RAPGEF6: variants seen among roughly 807,000 people sequenced by gnomAD.
The protein encoded by RAPGEF6 is Rap guanine nucleotide exchange factor 6.
A neutral mutation model predicts 171.4 loss-of-function variants in RAPGEF6; 56 were observed. The ratio of observed to expected loss-of-function variants is 0.33; its 90% CI spans 0.26 to 0.41. RAPGEF6 has a LOEUF of 0.41. Ranked by LOEUF, RAPGEF6 falls within the 10% of genes least tolerant of loss-of-function variation. The pLI is 1.00. For synonymous variants in RAPGEF6, 692 were observed against 650.1 expected (o/e 1.06, Z -0.98); for missense variants, 1,674 against 1,921.4 (o/e 0.87, Z 2.41).
rs538395017 is a variant in RAPGEF6, at chr5:131,424,073, A to G, written c.*3193T>C. On this transcript the variant is annotated 3_prime_UTR_variant, in exon 28 of 28. Transcript: ENST00000509018. Reference sequence around the variant, plus strand: ...CAGAGGCACTGTCTTTCTAAAAGACATAAGTTTAAGAGGTATCAAAAAATA... The same window carrying G: ...CAGAGGCACTGTCTTTCTAAAAGACGTAAGTTTAAGAGGTATCAAAAAATA... 5.2e-5 allele frequency: 8 copies of G among 152,388 alleles called. No individual in the cohort carries two copies. The highest frequency in any genetic ancestry group is 2.1e-4 in the South Asian group (1 of 4,836). The allele number at this position is 152,388 out of a possible 1,614,324, so 9.4% of individuals were successfully genotyped here. A position where few individuals can be genotyped will look rare whatever the true frequency, so the allele number is the denominator to read the frequency against.
At chr5:131,499,424 T>C (rs996159736) in intron 11 of RAPGEF6, among the ~76,000 whole-genome samples, 10 of 151,570 alleles carry the variant, frequency 6.6e-5, no homozygotes, top group African/African-American at 2.4e-4. Flanking sequence ...CTACTAAAAA[T>C]ACAAAAATTG....
At chr5:131,614,281 C>CAAAAAAAAAAAAAAAAAAA (rs386404987) in intron 1 of RAPGEF6, among the ~76,000 whole-genome samples, 1 of 81,424 alleles carries the variant, frequency 1.2e-5, no homozygotes, top group African/African-American at 5.6e-5. Context: ...GACTCTGTCT[C>CAAAAAAAAAAAAAAAAAAA]AAAAAAAAAA....
At chr5:131,433,723 G>T in intron 24 of RAPGEF6, 65 bp from the exon 25 acceptor site, 1 of 1,158,050 alleles carries the variant, frequency 8.6e-7, no homozygotes, top group East Asian at 2.4e-5. Flanking sequence ...GGTAGTAGGG[G>T]AAAGGATGAA....
At chr5:131,502,184 T>G (rs1466818114) in intron 11 of RAPGEF6, among the ~76,000 whole-genome samples, 3 of 152,188 alleles carry the variant, frequency 2.0e-5, no homozygotes, top group African/African-American at 7.2e-5. Context: ...TATAAATAAA[T>G]TAATGAAGAC....
At chr5:131,634,031 T>C (rs12054732) in intron 1 of RAPGEF6, among the ~76,000 whole-genome samples, 19,405 of 152,220 alleles carry the variant, frequency 0.13, 1,528 homozygotes, top group Middle Eastern at 0.2. Flanking sequence ...ACCTGAATAA[T>C]TGTCACGACC....
chr5:131,429,074 C>T lies in RAPGEF6; in HGVS notation c.4608G>A (p.Val1536=), dbSNP rs1751543304. The T allele has an allele frequency of 6.2e-7, 1 of 1,614,200 alleles. No homozygotes were observed. Among genetic ancestry groups the T allele is most frequent in the Non-Finnish European group, 8.5e-7 (1 of 1,180,038 alleles). ...HLKPPDYSVA[V]QRSKMMHNSL... ...TGTTATGCATCATCTTTGACCTCTG[C>T]ACTGCCACACTATAATCTGGAGGTT... Residue 1536 remains valine (V), a synonymous_variant, in exon 27 of 28, where the codon GTG becomes GTA. Coordinates refer to ENST00000509018, the MANE Select transcript of RAPGEF6 (RefSeq NM_016340.6).
At chr5:131,626,489 C>A (rs1010267851) in intron 1 of RAPGEF6, among the ~76,000 whole-genome samples, 8 of 151,854 alleles carry the variant, frequency 5.3e-5, no homozygotes, top group African/African-American at 1.7e-4. Context: ...TTTGCTCCTG[C>A]CTCTCTGCTT....
Position 131,430,887 on chromosome 5 carries a change from G to A in RAPGEF6, c.4437C>T (p.Val1479=), listed in dbSNP as rs1290844457. ...TCAAGCCCTTTTCTGTACTTGAAGTGACAGTTTTATAAACTGGGTCAGTGG... is the reference window on the plus strand; with the variant it reads ...TCAAGCCCTTTTCTGTACTTGAAGTAACAGTTTTATAAACTGGGTCAGTGG... ...KDATDPVYKT[V]TSSTEKGLIV... Residue 1479 remains valine, a synonymous_variant, in exon 26 of 28, where the codon GTC becomes GTT. Coordinates refer to ENST00000509018, the MANE Select transcript of RAPGEF6 (RefSeq NM_016340.6). The A allele has an allele frequency of 1.1e-5, 18 of 1,606,550 alleles. No homozygotes were observed. Among genetic ancestry groups the A allele is most frequent in the Non-Finnish European group, 1.4e-5 (17 of 1,177,562 alleles).
At chr5:131,503,861 T>G (rs1312795717) in intron 11 of RAPGEF6, among the ~76,000 whole-genome samples, 1 of 152,180 alleles carries the variant, frequency 6.6e-6, no homozygotes, top group Non-Finnish European at 1.5e-5. Context: ...CCTAATAAAG[T>G]CTTGAATTAC....
At chr5:131,438,117 TA>T (rs200407071) in intron 24 of RAPGEF6, among the ~76,000 whole-genome samples, 33,328 of 152,028 alleles carry the variant, frequency 0.22, 3,998 homozygotes, top group East Asian at 0.49. Flanking sequence ...GCCTCCTGAG[TA>T]GCTGGGACTA....
intron 6 of RAPGEF6, among the ~76,000 whole-genome samples, chr5:131,523,232 A>C (rs1291643528): frequency 6.6e-6 from 1 of 150,924 alleles, no homozygotes; most frequent in Non-Finnish European, 1.5e-5. Flanking sequence ...AGAGCCAAAG[A>C]ATATATATTT....
chr5:131,627,768 C>G (rs1201452034), intron 1 of RAPGEF6, among the ~76,000 whole-genome samples: 1 of 152,126 alleles, frequency 6.6e-6, no homozygotes, highest in African/African-American at 2.4e-5. Context: ...AACCCTGCAT[C>G]AAGCAAGTCC....
chr5:131,479,724 G>C lies in RAPGEF6; in HGVS notation c.1870C>G (p.Gln624Glu). ...VFKELLFRTEQEKSGVPHIPK... is the reference protein window; with the variant it reads ...VFKELLFRTEEEKSGVPHIPK... ...ATATGAGGAACACCAGATTTCTCTT[G>C]TTCAGTCCTAAAAAGTAACTCTTTG... is the stretch of plus-strand genomic sequence containing the variant. The change falls in exon 16 of 28, where the codon CAA becomes GAA. Residue 624 changes from glutamine (Q) to glutamate (E), a missense_variant. Transcript: ENST00000509018. 6.2e-7 allele frequency: 1 copy of C among 1,613,558 alleles called. No homozygotes were observed. Among genetic ancestry groups the C allele is most frequent in the Non-Finnish European group, 8.5e-7 (1 of 1,179,838 alleles).
chr5:131,605,994 C>T (rs1353881791), intron 1 of RAPGEF6, among the ~76,000 whole-genome samples: 1 of 131,322 alleles, frequency 7.6e-6, no homozygotes, highest in African/African-American at 3.1e-5. Flanking sequence ...TGTGCCACTG[C>T]ACTCTAGCCT....
At chr5:131,615,243 A>C (rs1380677897) in intron 1 of RAPGEF6, among the ~76,000 whole-genome samples, 4 of 152,238 alleles carry the variant, frequency 2.6e-5, no homozygotes, top group African/African-American at 9.6e-5. Context: ...GGTCACAAGA[A>C]TGCTAAGCAT....
intron 1 of RAPGEF6, among the ~76,000 whole-genome samples, chr5:131,615,435 A>G (rs1402087571): frequency 6.6e-6 from 1 of 152,212 alleles, no homozygotes; most frequent in Non-Finnish European, 1.5e-5. Context: ...AGCTTGAGGT[A>G]CTATATTATC....
intron 24 of RAPGEF6, among the ~76,000 whole-genome samples, chr5:131,435,048 A>T (rs537858867): frequency 9.8e-4 from 150 of 152,352 alleles, no homozygotes; most frequent in Admixed American, 2.1e-3. Context: ...TCATGCAGAA[A>T]GAGGATGACA....
intron 8 of RAPGEF6, 80 bp downstream of exon 8, chr5:131,510,234 T>C: frequency 2.2e-6 from 3 of 1,360,454 alleles, no homozygotes; most frequent in Non-Finnish European, 3.0e-6. Context: ...TATTAAGTTT[T>C]AGAATAATTT....
Position 131,461,800 on chromosome 5 carries a change from A to G in RAPGEF6, c.2769T>C (p.Asn923=). The G allele has an allele frequency of 6.2e-7, 1 of 1,613,824 alleles. No homozygotes were observed. Among genetic ancestry groups the G allele is most frequent in the Non-Finnish European group, 8.5e-7 (1 of 1,179,762 alleles). ...WVASEILTEA[N]QLKRMKIIKH... ...TAATAATCTTCATTCGTTTGAGCTG[A>G]TTTGCTTCAGTTAAAATTTCTGAGG... The change falls in exon 19 of 28, where the codon AAT becomes AAC. Residue 923 remains asparagine, a synonymous_variant. Coordinates refer to ENST00000509018, the MANE Select transcript of RAPGEF6 (RefSeq NM_016340.6).
Sources: gnomAD v4.1 joint callset for allele counts (sites outside exome capture counted in the v4.1 genomes callset) on GRCh38, gnomAD v4.1.1 for gene constraint, MANE v1.5 for transcripts, NCBI Gene and HGNC (gene_info 2026-07-23, HGNC 2026-07-21) for gene names.